Variants in KLHL14 observed in about 807,000 individuals in gnomAD.
KLHL14 encodes the protein kelch like family member 14.
A neutral mutation model predicts 64.3 loss-of-function variants in KLHL14; 22 were observed. That is an observed-to-expected ratio of 0.34 (90% CI 0.24 to 0.49). The LOEUF (loss-of-function observed/expected upper bound fraction) is 0.49. KLHL14 is among the 20% of genes least tolerant of loss of function. The pLI is 0.99. For missense variants in KLHL14, 661 were observed against 789.0 expected (o/e 0.84, Z 1.94); for synonymous variants, 322 against 333.4 (o/e 0.97, Z 0.37).
At chr18:32,750,539 A>C (rs1397045348) in intron 2 of KLHL14, among the ~76,000 whole-genome samples, 8 of 152,192 alleles carry the variant, frequency 5.3e-5, no homozygotes, top group Admixed American at 2.6e-4. Context: ...AAAATATAAA[A>C]TCACTGGACT....
intron 3 of KLHL14, chr18:32,737,399 G>A (rs185566140): frequency 7.4e-4 from 113 of 152,282 alleles, no homozygotes; most frequent in African/African-American, 2.3e-3. Context: ...AAGGAAAGAA[G>A]TCCATTTGAA....
At chr18:32,705,579 T>C (rs1412730124) in intron 3 of KLHL14, among the ~76,000 whole-genome samples, 1 of 152,048 alleles carries the variant, frequency 6.6e-6, no homozygotes, top group Non-Finnish European at 1.5e-5. Context: ...AAAAAGTAGC[T>C]GGATGTGGTG....
chr18:32,700,379 T>TA (rs1261344307), intron 3 of KLHL14, among the ~76,000 whole-genome samples: 1 of 151,292 alleles, frequency 6.6e-6, no homozygotes, highest in Non-Finnish European at 1.5e-5. Context: ...AATACAATCT[T>TA]AAAAAAAAAG....
chr18:32,737,188 G>A (rs1288645447), intron 3 of KLHL14, among the ~76,000 whole-genome samples: 1 of 151,802 alleles, frequency 6.6e-6, no homozygotes, highest in African/African-American at 2.4e-5. Flanking sequence ...TAAATTAAAT[G>A]GTTTGTGGGT....
Position 32,770,350 on chromosome 18 carries a change from G to A in KLHL14, c.242C>T (p.Pro81Leu). 1 of 1,584,432 alleles carries A rather than the reference G, an allele frequency of 6.3e-7. No individual in the cohort carries two copies. The highest frequency in any genetic ancestry group is 8.6e-7 in the Non-Finnish European group (1 of 1,165,764). The change falls in exon 2 of 9, where the codon CCC (proline) becomes CTC (leucine). Residue 81 changes from proline (P) to leucine (L), a missense_variant. This residue lies in a region of KLHL14 where 331 missense variants were observed against 339.0 expected (regional missense o/e 0.98). Transcript: ENST00000359358. The surrounding 1 kb of genome is among the most constrained non-coding windows in gnomAD (Gnocchi z 6.7). ...CTGCGGCGGCTGCTGCTGGTCCTTG[G>A]GGGCCCCCAGGCCGTCCTGGCCGCC... is the stretch of plus-strand genomic sequence containing the variant. ...GVGGQDGLGA[P>L]KDQQQPPQQQ...
At chr18:32,747,537 G>A (rs969207484) in intron 2 of KLHL14, among the ~76,000 whole-genome samples, 1 of 152,148 alleles carries the variant, frequency 6.6e-6, no homozygotes, top group Non-Finnish European at 1.5e-5. Context: ...GCTCATATGA[G>A]AATCTGATAC....
intron 3 of KLHL14, among the ~76,000 whole-genome samples, 199 bp from the exon 4 acceptor site, chr18:32,695,751 T>C (rs1001139984): frequency 9.2e-5 from 14 of 151,828 alleles, no homozygotes; most frequent in Non-Finnish European, 4.4e-5. Context: ...TTCCCAGCGG[T>C]TTCAAACCCA....
In KLHL14 at chr18:32,680,255, T is replaced by A; in HGVS notation, c.1502A>T (p.Lys501Ile). The A allele has an allele frequency of 6.2e-7, 1 of 1,613,904 alleles. No individual in the cohort carries two copies. Among genetic ancestry groups the A allele is most frequent in the Admixed American group, 1.7e-5 (1 of 59,982 alleles). ...YDPVMDVWARKQDMNTKRAIH... is the reference protein window; with the variant it reads ...YDPVMDVWARIQDMNTKRAIH... The stretch of plus-strand genomic sequence containing the variant: ...TGCACGTTTTGTGTTCATATCTTGT[T>A]TTCGAGCCCAGACATCCATTACTGG... The change falls in exon 7 of 9, where the codon AAA becomes ATA. Residue 501 changes from lysine to isoleucine, a missense_variant. By Grantham distance (102) the Lys-to-Ile change is moderately radical (BLOSUM62 -3). Around this residue, in one of 2 missense-constraint regions of KLHL14, gnomAD observed 330 missense variants for 450.0 expected, o/e 0.73. Transcript: ENST00000359358. The surrounding 1 kb of genome is among the most constrained non-coding windows in gnomAD (Gnocchi z 4.8).
chr18:32,746,896 T>C (rs1489373760), intron 2 of KLHL14, among the ~76,000 whole-genome samples: 10 of 152,236 alleles, frequency 6.6e-5, no homozygotes, highest in Non-Finnish European at 1.5e-4. Flanking sequence ...TTCTCGACTC[T>C]CAGAGATTAT....
chr18:32,755,218 G>A (rs2050275843), intron 2 of KLHL14, among the ~76,000 whole-genome samples: 1 of 152,054 alleles, frequency 6.6e-6, no homozygotes, highest in South Asian at 2.1e-4. Context: ...GCCCTCCAAG[G>A]TCATCCCCCA....
chr18:32,732,490 G>T (rs2050141686), intron 3 of KLHL14, among the ~76,000 whole-genome samples: 1 of 152,168 alleles, frequency 6.6e-6, no homozygotes. Context: ...TGGGAGGATT[G>T]CACTTTTCCA....
Position 32,770,269 on chromosome 18 carries a change from G to T in KLHL14, c.323C>A (p.Ser108Tyr), listed in dbSNP as rs763859163. 6 of 1,593,420 alleles carry T rather than the reference G, an allele frequency of 3.8e-6. No homozygotes were observed. In the South Asian group the frequency reaches 6.9e-5, roughly 18 times the overall value. Reference sequence around the variant, plus strand: ...CAGCAGCTTGTCGTCGGGGGAGGAAGAAGGAGTCCCGGGCTCCTCCTGCGG... The same window carrying T: ...CAGCAGCTTGTCGTCGGGGGAGGAATAAGGAGTCCCGGGCTCCTCCTGCGG... ...PPPQEEPGTP[S>Y]SSPDDKLLTS... The change falls in exon 2 of 9, where the codon TCT becomes TAT. Residue 108 changes from serine to tyrosine, a missense_variant. Ser to Tyr is a moderately radical substitution (Grantham distance 144). Around this residue, in one of 2 missense-constraint regions of KLHL14, gnomAD observed 331 missense variants for 339.0 expected, o/e 0.98. Transcript: ENST00000359358. This position sits in a 1 kb window ranked among gnomAD's most constrained non-coding sequence, Gnocchi z 6.7.
chr18:32,752,447 T>G (rs956924186), intron 2 of KLHL14, among the ~76,000 whole-genome samples: 2 of 152,232 alleles, frequency 1.3e-5, no homozygotes, highest in African/African-American at 4.8e-5. Flanking sequence ...TACTATGTAC[T>G]GCCCTAGACC....
intron 4 of KLHL14, among the ~76,000 whole-genome samples, chr18:32,691,133 G>C (rs1001223224): frequency 2.6e-5 from 4 of 152,216 alleles, no homozygotes; most frequent in Non-Finnish European, 5.9e-5. Flanking sequence ...TCATAGGAAA[G>C]TAGAACCTAC....
At chr18:32,742,160 C>A in intron 2 of KLHL14, 111 bp from the exon 3 acceptor site, 1 of 1,283,652 alleles carries the variant, frequency 7.8e-7, no homozygotes, top group Non-Finnish European at 1.1e-6. Context: ...ATATCTGTTT[C>A]ATTTTTTCCT....
At chr18:32,760,503 A>G (rs776981309) in intron 2 of KLHL14, among the ~76,000 whole-genome samples, 3 of 152,078 alleles carry the variant, frequency 2.0e-5, no homozygotes, top group Non-Finnish European at 2.9e-5. Context: ...CTGTCTTCAG[A>G]GGCACCTGAA....
In KLHL14 at chr18:32,770,373, G is replaced by A. The variant is rs1417968367; in HGVS notation, c.219C>T (p.Gly73=). The change falls in exon 2 of 9, where the codon GGC becomes GGT. Residue 73 remains glycine, a synonymous_variant. Transcript: ENST00000359358. The surrounding 1 kb of genome is among the most constrained non-coding windows in gnomAD (Gnocchi z 6.7). ...SSHPPLGGGV[G]GQDGLGAPKD... is the part of the protein sequence containing the mutation. ...TGGGGGCCCCCAGGCCGTCCTGGCC[G>A]CCGACCCCTCCCCCGAGAGGGGGGT... 2.5e-6 allele frequency: 4 copies of A among 1,588,882 alleles called. No individual in the cohort carries two copies. The highest frequency in any genetic ancestry group is 2.3e-5 in the South Asian group (2 of 87,318).
At chr18:32,731,807 C>A (rs1298295984) in intron 3 of KLHL14, among the ~76,000 whole-genome samples, 2 of 151,782 alleles carry the variant, frequency 1.3e-5, no homozygotes, top group East Asian at 3.9e-4. Context: ...ATACTAGAAA[C>A]AAGGACAATT....
chr18:32,737,737 C>T (rs562442256), intron 3 of KLHL14: 5 of 152,244 alleles, frequency 3.3e-5, no homozygotes, highest in Non-Finnish European at 7.4e-5. Context: ...TAGGAAACCA[C>T]CACCCAACAG....
Sources: allele counts gnomAD v4.1 joint callset (sites outside exome capture counted in the v4.1 genomes callset), GRCh38; gene constraint gnomAD v4.1.1; regional missense constraint gnomAD v4.1.1; non-coding constraint Gnocchi (gnomAD v3.1); transcripts MANE v1.5; gene names NCBI Gene and HGNC (gene_info 2026-07-23, HGNC 2026-07-21).